DOCK2: variants seen among roughly 807,000 people sequenced by gnomAD.
DOCK2 encodes dedicator of cytokinesis protein 2.
DOCK2 carries 87 observed loss-of-function variants against 248.9 expected under a neutral mutation model. That is an observed-to-expected ratio of 0.35 (90% confidence interval 0.29 to 0.42). DOCK2 has a LOEUF of 0.42. DOCK2 is among the 10% of genes least tolerant of loss of function. DOCK2 has a pLI of 1.00. For synonymous variants in DOCK2, 805 were observed against 821.6 expected (o/e 0.98, Z 0.35); for missense variants, 1,747 against 2,300.2 (o/e 0.76, Z 4.92).
intron 25 of DOCK2, among the ~76,000 whole-genome samples, chr5:169,802,403 T>A (rs1280474777): frequency 6.6e-6 from 1 of 152,236 alleles, no homozygotes; most frequent in Non-Finnish European, 1.5e-5. Flanking sequence ...TGCAGAAGGA[T>A]GCAAGTGGAA....
At chr5:169,678,275 G>T (rs981821046) in intron 6 of DOCK2, among the ~76,000 whole-genome samples, 25 of 146,854 alleles carry the variant, frequency 1.7e-4, no homozygotes, top group African/African-American at 5.2e-4. Flanking sequence ...AAAAGTTTTT[G>T]TTTTTTTTTT....
At position 169,715,442 on chromosome 5, in the gene DOCK2, C is replaced by T. The variant is rs575387196; in HGVS notation, c.1942-771C>T. ...AAGCAGTGGCAGAATTTCCAGATGC[C>T]GTAAATGTATACCACTGACCCATCT... On this transcript the variant is annotated intron_variant, in intron 19 of 51. Transcript: ENST00000520908. Among the ~76,000 whole-genome samples, 11 of 152,148 alleles carry T rather than the reference C, an allele frequency of 7.2e-5. No homozygotes were observed. In the South Asian group the frequency reaches 1.5e-3, roughly 20 times the overall value.
At chr5:169,978,117 T>C (rs188943833) in intron 27 of DOCK2, among the ~76,000 whole-genome samples, 1 of 152,204 alleles carries the variant, frequency 6.6e-6, no homozygotes, top group East Asian at 1.9e-4. Flanking sequence ...GTGCGCATTA[T>C]TTGAAGTTAC....
At chr5:169,856,231 G>A (rs139737573) in intron 27 of DOCK2, among the ~76,000 whole-genome samples, 76 of 152,298 alleles carry the variant, frequency 5.0e-4, no homozygotes, top group Middle Eastern at 3.4e-3. Flanking sequence ...GGGTTCAAAA[G>A]GAGGCAATGT....
intron 23 of DOCK2, among the ~76,000 whole-genome samples, chr5:169,748,168 C>CT (rs10688965): frequency 0.026 from 3,792 of 148,218 alleles, 146 homozygotes; most frequent in African/African-American, 0.081. Flanking sequence ...ATTGCTGCTG[C>CT]TTTTTTTTTT....
chr5:169,918,678 C>T (rs1010305346), intron 27 of DOCK2, among the ~76,000 whole-genome samples: 7 of 152,132 alleles, frequency 4.6e-5, no homozygotes, highest in African/African-American at 1.2e-4. Flanking sequence ...TTTGGGAGGC[C>T]GAGGCGAGAG....
At chr5:169,880,629 G>A (rs761443688) in intron 27 of DOCK2, among the ~76,000 whole-genome samples, 5 of 152,182 alleles carry the variant, frequency 3.3e-5, no homozygotes, top group African/African-American at 4.8e-5. Flanking sequence ...TTTGTTCAGA[G>A]GTTTGCAGTT....
At chr5:169,958,111 C>T (rs148414058) in intron 27 of DOCK2, among the ~76,000 whole-genome samples, 8 of 152,232 alleles carry the variant, frequency 5.3e-5, no homozygotes, top group South Asian at 2.1e-4. Context: ...TGAAACATGA[C>T]GTCCACATGC....
intron 24 of DOCK2, 148 bp from the exon 25 acceptor site, chr5:169,761,371 T>C (rs890568130): frequency 4.6e-6 from 3 of 658,068 alleles, no homozygotes; most frequent in African/African-American, 3.6e-5. Context: ...ACTTGTACAT[T>C]TTTACTGAAG....
At chr5:169,652,480 G>A (rs1383310920) in intron 1 of DOCK2, among the ~76,000 whole-genome samples, 1 of 152,250 alleles carries the variant, frequency 6.6e-6, no homozygotes, top group East Asian at 1.9e-4. Context: ...ACACAAAAGG[G>A]AGGTTAGGGA....
intron 26 of DOCK2, among the ~76,000 whole-genome samples, chr5:169,808,993 AT>A (rs71575579): frequency 0.3 from 44,631 of 148,170 alleles, 6,609 homozygotes; most frequent in African/African-American, 0.34. Flanking sequence ...AAGGGTTCTG[AT>A]TTTTTTTTTT....
chr5:169,926,101 G>T (rs569839943), intron 27 of DOCK2, among the ~76,000 whole-genome samples: 1 of 152,130 alleles, frequency 6.6e-6, no homozygotes, highest in Non-Finnish European at 1.5e-5. Context: ...GAGACAAGTG[G>T]GATGCTGTGG....
intron 19 of DOCK2, among the ~76,000 whole-genome samples, chr5:169,714,975 A>C (rs534558449): frequency 1.3e-5 from 2 of 152,166 alleles, no homozygotes; most frequent in South Asian, 4.1e-4. Context: ...GCATATGTAT[A>C]TATACATATA....
intron 29 of DOCK2, among the ~76,000 whole-genome samples, chr5:169,991,404 T>TAA (rs1778202424): frequency 1.3e-5 from 2 of 152,254 alleles, no homozygotes; most frequent in Non-Finnish European, 2.9e-5. Flanking sequence ...CTGACTTATC[T>TAA]GTTCCCTGCT....
chr5:169,714,181 C>G lies in DOCK2; in HGVS notation c.1813C>G (p.Leu605Val). ...CCGGGATGTGTTCTCCATTTCCACC[C>G]TGGTGTGCTCCACAAAGCTCACTCA... is the stretch of plus-strand genomic sequence containing the variant. Reference protein sequence around the residue: ...SSRDVFSISTLVCSTKLTQNV... With the variant: ...SSRDVFSISTVVCSTKLTQNV... Residue 605 changes from leucine to valine, a missense_variant, in exon 18 of 52, where the codon CTG (leucine) becomes GTG (valine). By Grantham distance (32) the Leu-to-Val change is conservative. Coordinates refer to ENST00000520908, the MANE Select transcript of DOCK2 (RefSeq NM_004946.3). The G allele has an allele frequency of 6.2e-7, 1 of 1,611,848 alleles. No homozygotes were observed. The highest frequency in any genetic ancestry group is 8.5e-7 in the Non-Finnish European group (1 of 1,178,662).
intron 27 of DOCK2, among the ~76,000 whole-genome samples, chr5:169,960,608 C>T (rs1032960469): frequency 2.0e-5 from 3 of 152,154 alleles, no homozygotes; most frequent in Admixed American, 2.0e-4. Context: ...GGAGGGCCAG[C>T]CATTTGACTC....
intron 27 of DOCK2, among the ~76,000 whole-genome samples, chr5:169,903,872 G>T (rs1018049231): frequency 1.3e-5 from 2 of 152,016 alleles, no homozygotes; most frequent in African/African-American, 4.8e-5. Flanking sequence ...GGCCGAGGCA[G>T]GTGAATCACC....
chr5:169,840,622 G>GATGATT, intron 26 of DOCK2, 135 bp from the exon 27 acceptor site: 1 of 693,412 alleles, frequency 1.4e-6, no homozygotes, highest in South Asian at 1.6e-5. Context: ...TGATGATGAT[G>GATGATT]ATGGCAGTAG....
intron 27 of DOCK2, among the ~76,000 whole-genome samples, chr5:169,868,064 G>C (rs980566681): frequency 6.6e-6 from 1 of 152,162 alleles, no homozygotes; most frequent in African/African-American, 2.4e-5. Context: ...ACCAGATAGA[G>C]CCAAAGAGAG....
Sources: allele counts gnomAD v4.1 joint callset (sites outside exome capture counted in the v4.1 genomes callset), GRCh38; gene constraint gnomAD v4.1.1; transcripts MANE v1.5; gene names NCBI Gene and HGNC (gene_info 2026-07-23, HGNC 2026-07-21).